RAP1GAP2: variants seen among roughly 807,000 people sequenced by gnomAD.
RAP1GAP2 encodes the protein RAP1 GTPase activating protein 2, also known as rap1 GTPase-activating protein 2.
In RAP1GAP2, 27 loss-of-function variants were observed where a neutral mutation model predicts 95.0. The ratio of observed to expected loss-of-function variants is 0.28; its 90% CI spans 0.21 to 0.39. The LOEUF is 0.39. Among genes scored for constraint, RAP1GAP2 ranks in the 10% least tolerant of loss-of-function variants. The pLI is 1.00. For missense variants in RAP1GAP2, 771 were observed against 970.0 expected (o/e 0.79, Z 2.72); for synonymous variants, 373 against 380.9 (o/e 0.98, Z 0.24).
rs190918568 is a variant in RAP1GAP2, at chr17:2,836,202, T to A, written c.80+35652T>A. Among the ~76,000 whole-genome samples, 502 of 152,034 alleles carry A rather than the reference T, an allele frequency of 3.3e-3. 2 individuals are homozygous for A. Among genetic ancestry groups the A allele is most frequent in the Non-Finnish European group, 3.4e-3 (234 of 67,966 alleles). On this transcript the variant is annotated intron_variant, in intron 2 of 24. Coordinates refer to ENST00000254695, the MANE Select transcript of RAP1GAP2 (RefSeq NM_015085.5). ...GTTCCCTCCTGTGTTTCCTTGCCGG[T>A]TGGGTAGAGGTCTACTATGTTCACT...
At chr17:2,796,395 C>T (rs1401106126), upstream of RAP1GAP2, 25 of 967,316 alleles carry the variant, frequency 2.6e-5, no homozygotes, top group African/African-American at 1.3e-4. The surrounding 1 kb of genome is among the most constrained non-coding windows in gnomAD (Gnocchi z 4.7). Context: ...TGGGGGCAGG[C>T]GAAGAGGGAG....
intron 2 of RAP1GAP2, among the ~76,000 whole-genome samples, chr17:2,829,751 T>C (rs2070748821): frequency 1.3e-5 from 2 of 152,080 alleles, no homozygotes; most frequent in Non-Finnish European, 2.9e-5. Context: ...GGGCTGCAGG[T>C]TGAGGGGTCC....
intron 3 of RAP1GAP2, among the ~76,000 whole-genome samples, chr17:2,946,290 G>A (rs924636524): frequency 6.6e-6 from 1 of 152,156 alleles, no homozygotes; most frequent in East Asian, 1.9e-4. Flanking sequence ...CTCATAGGAT[G>A]AGTTAGGAAG....
At position 3,037,713 on chromosome 17, in the gene RAP1GAP2, T is replaced by C. The variant is rs550506258; in HGVS notation, c.*4352T>C. 6.6e-6 allele frequency: 1 copy of C among 152,520 alleles called. No individual in the cohort carries two copies. Among genetic ancestry groups the C allele is most frequent in the Admixed American group, 6.5e-5 (1 of 15,276 alleles). 9.4% of individuals were successfully genotyped at this position (152,520 alleles called of 1,614,324 possible). ...TTGCTTAAATGTGTCTTTGCAGAAA[T>C]TGACAATAAATAACATATTTTGTGT... On this transcript the variant is annotated 3_prime_UTR_variant, in exon 25 of 25. Coordinates refer to ENST00000254695, the MANE Select transcript of RAP1GAP2 (RefSeq NM_015085.5).
Position 3,026,976 on chromosome 17 carries a change from GCA to G in RAP1GAP2, c.2014_2015del (p.Gln672GlyfsTer47). 2.6e-6 allele frequency: 4 copies of G among 1,554,654 alleles called. No homozygotes were observed. Among genetic ancestry groups the G allele is most frequent in the Non-Finnish European group, 3.5e-6 (4 of 1,148,844 alleles). Reference protein sequence around the residue: ...SQPSTTSPFKQEVFVYSPSPS... With the variant: ...SQPSTTSPFKXEVFVYSPSPS... The stretch of plus-strand genomic sequence containing the variant: ...AGCCGTCCACGACCTCACCCTTCAA[GCA>G]GGAGGTGTTTGTCTACAGCCCGTCC... On this transcript the variant is annotated frameshift_variant, in exon 22 of 25. Transcript: ENST00000254695. LOFTEE classifies it high-confidence loss of function.
intron 4 of RAP1GAP2, among the ~76,000 whole-genome samples, chr17:2,961,408 G>A (rs1216369592): frequency 1.3e-5 from 2 of 151,960 alleles, no homozygotes; most frequent in African/African-American, 2.4e-5. Flanking sequence ...TCAGCTACTC[G>A]GGAGGCCGAG....
At position 2,868,967 on chromosome 17, in the gene RAP1GAP2, T is replaced by C. The variant is rs141562753; in HGVS notation, c.81-36317T>C. 3.6e-3 allele frequency among the ~76,000 whole-genome samples: 552 copies of C among 152,248 alleles called. 6 individuals carry two copies. In the East Asian group the frequency reaches 0.037, roughly 10 times the overall value. On this transcript the variant is annotated intron_variant, in intron 2 of 24. Transcript: ENST00000254695. ...GTTCAGGGTACTGGCAGATGGGGTG[T>C]CTCATGAGGGCTCAAATCCTGCATC...
intron 2 of RAP1GAP2, among the ~76,000 whole-genome samples, chr17:2,849,797 G>A (rs1044915780): frequency 1.4e-5 from 2 of 146,960 alleles, no homozygotes; most frequent in South Asian, 2.1e-4. Context: ...CTTCTCTGCC[G>A]TCAGAGACTT....
chr17:2,921,043 GCTT>G (rs1188380620), intron 3 of RAP1GAP2, among the ~76,000 whole-genome samples: 1 of 152,134 alleles, frequency 6.6e-6, no homozygotes, highest in Non-Finnish European at 1.5e-5. Context: ...CCTCCCGCTG[GCTT>G]CTTCTCCCGG....
intron 3 of RAP1GAP2, among the ~76,000 whole-genome samples, chr17:2,913,435 C>T (rs544907401): frequency 6.6e-6 from 1 of 152,026 alleles, no homozygotes; most frequent in African/African-American, 2.4e-5. Context: ...ATTACAGGCA[C>T]ACGCCACCAT....
At chr17:2,988,995 G>C (rs1451699235) in intron 11 of RAP1GAP2, among the ~76,000 whole-genome samples, 3 of 151,388 alleles carry the variant, frequency 2.0e-5, no homozygotes, top group African/African-American at 7.3e-5. Flanking sequence ...GGAGGCAGAG[G>C]TTGCCGTGAG....
Position 2,857,826 on chromosome 17 carries a change from G to A in RAP1GAP2, c.81-47458G>A, listed in dbSNP as rs142570572. ...AAAATATGTACGTTCTTGGCCGGGC[G>A]CGGCAGCTCACGCCTGTAATCCCAG... On this transcript the variant is annotated intron_variant, in intron 2 of 24. Transcript: ENST00000254695. This position sits in a 1 kb window ranked among gnomAD's most constrained non-coding sequence, Gnocchi z 4.0. 1.0e-3 allele frequency among the ~76,000 whole-genome samples: 154 copies of A among 152,280 alleles called. No individual in the cohort carries two copies. Among genetic ancestry groups the A allele is most frequent in the East Asian group, 8.3e-3 (43 of 5,176 alleles).
chr17:3,025,954 G>C (rs2047098628), intron 19 of RAP1GAP2, 54 bp from the exon 20 acceptor site: 1 of 1,336,820 alleles, frequency 7.5e-7, no homozygotes, highest in East Asian at 2.4e-5. Flanking sequence ...CCGTGGATGG[G>C]GTGGGGGTTG....
At chr17:2,765,004 A>G (rs1485259281) in intron 1 of RAP1GAP2, among the ~76,000 whole-genome samples, 1 of 152,138 alleles carries the variant, frequency 6.6e-6, no homozygotes, top group Non-Finnish European at 1.5e-5. Context: ...GGATGGGATT[A>G]ATCAGGGTGG....
At chr17:2,837,084 C>T (rs983065155) in intron 2 of RAP1GAP2, among the ~76,000 whole-genome samples, 4 of 151,924 alleles carry the variant, frequency 2.6e-5, no homozygotes, top group African/African-American at 2.4e-5. Flanking sequence ...GACCCTGTCA[C>T]TACAAAAAAT....
At chr17:2,935,039 A>G (rs1051826228) in intron 3 of RAP1GAP2, among the ~76,000 whole-genome samples, 1 of 152,160 alleles carries the variant, frequency 6.6e-6, no homozygotes, top group Non-Finnish European at 1.5e-5. Flanking sequence ...GCTGATTTAG[A>G]CAATACACCC....
chr17:3,005,228 C>G lies in RAP1GAP2; in HGVS notation c.1201-141C>G. On this transcript the variant is annotated intron_variant, in intron 14 of 24. Coordinates refer to ENST00000254695, the MANE Select transcript of RAP1GAP2 (RefSeq NM_015085.5). This position sits in a 1 kb window ranked among gnomAD's most constrained non-coding sequence, Gnocchi z 5.2. ...GGAACAGGGTCAGGGCCTGTGCTGG[C>G]GATGCTCACAGGAGTATTTTGTTTG... 1 of 855,036 alleles carries G rather than the reference C, an allele frequency of 1.2e-6. No homozygotes were observed. Among genetic ancestry groups the G allele is most frequent in the Non-Finnish European group, 2.0e-6 (1 of 505,964 alleles). The allele number at this position is 855,036 out of a possible 1,614,324, so 53.0% of individuals were successfully genotyped here. A position where few individuals can be genotyped will look rare whatever the true frequency, so the allele number is the denominator to read the frequency against.
chr17:3,025,060 T>C (rs574389147), intron 19 of RAP1GAP2, among the ~76,000 whole-genome samples: 73 of 151,576 alleles, frequency 4.8e-4, no homozygotes, highest in African/African-American at 1.7e-3. Flanking sequence ...GTAGATTCTG[T>C]CTCAAGAACA....
chr17:2,765,744 A>G (rs1305167804), intron 1 of RAP1GAP2, among the ~76,000 whole-genome samples: 1 of 149,094 alleles, frequency 6.7e-6, no homozygotes, highest in Admixed American at 6.7e-5. Context: ...CTCTGTCTCA[A>G]AAAAAAAAAA....
Sources: allele counts gnomAD v4.1 joint callset (sites outside exome capture counted in the v4.1 genomes callset), GRCh38; gene constraint gnomAD v4.1.1; non-coding constraint Gnocchi (gnomAD v3.1); transcripts MANE v1.5; gene names NCBI Gene and HGNC (gene_info 2026-07-23, HGNC 2026-07-21).